PRKN: variants seen among roughly 807,000 people sequenced by gnomAD.
PRKN encodes parkin RBR E3 ubiquitin protein ligase.
PRKN carries 56 observed loss-of-function variants against 59.5 expected under a neutral mutation model. The ratio of observed to expected loss-of-function variants is 0.94; its 90% CI spans 0.76 to 1.18. The LOEUF (loss-of-function observed/expected upper bound fraction) is 1.18. Among genes scored for constraint, PRKN ranks in the 50% most tolerant of loss-of-function variants. The probability of loss-of-function intolerance (pLI) is 0.00; values close to 1 mark genes in which losing one functional copy is unlikely to be tolerated. For missense variants in PRKN, 657 were observed against 596.4 expected (o/e 1.10, Z -1.06); for synonymous variants, 250 against 222.1 (o/e 1.13, Z -1.12).
In PRKN at chr6:162,439,367, C is replaced by T. The variant is rs540246788; in HGVS notation, c.171+3943G>A. ...CTCTCTCTCTCTCTCTCTCTCTCTG[C>T]CCCTCCCTTCCTCTCTGCTTCTTTT... On this transcript the variant is annotated intron_variant, in intron 2 of 11. Coordinates refer to ENST00000366898, the MANE Select transcript of PRKN (RefSeq NM_004562.3). 2.8e-4 allele frequency among the ~76,000 whole-genome samples: 38 copies of T among 135,578 alleles called. 1 individual carries two copies. Among genetic ancestry groups the T allele is most frequent in the Non-Finnish European group, 4.6e-5 (3 of 64,532 alleles). 88.9% of individuals were successfully genotyped at this position (135,578 alleles called of 152,430 possible). A position where few individuals can be genotyped will look rare whatever the true frequency, so the allele number is the denominator to read the frequency against.
At chr6:162,244,184 C>T (rs1583257456) in intron 3 of PRKN, among the ~76,000 whole-genome samples, 1 of 152,106 alleles carries the variant, frequency 6.6e-6, no homozygotes, top group Non-Finnish European at 1.5e-5. Context: ...CATTCTACAA[C>T]ATCAGTGTAC....
rs1366100944 is a variant in PRKN at position 161,359,265 on chromosome 6, T to G, written c.1285+823A>C. On this transcript the variant is annotated intron_variant, in intron 11 of 11. Transcript: ENST00000366898. The surrounding 1 kb of genome is among the most constrained non-coding windows in gnomAD (Gnocchi z 5.4). ...TAAGCCAGCACCTGCGGCTCTGGGA[T>G]GTGTTCAAGCACCGTCTTGTTTGTA... is the stretch of plus-strand genomic sequence containing the variant. Among the ~76,000 whole-genome samples, 1 of 152,180 alleles carries G rather than the reference T, an allele frequency of 6.6e-6. No homozygotes were observed. The highest frequency in any genetic ancestry group is 2.1e-4 in the South Asian group (1 of 4,834).
At chr6:162,174,314 G>A (rs533847717) in intron 4 of PRKN, among the ~76,000 whole-genome samples, 12 of 152,206 alleles carry the variant, frequency 7.9e-5, no homozygotes, top group African/African-American at 2.6e-4. Context: ...TCAGCACGCA[G>A]GAAATAAATA....
intron 1 of PRKN, among the ~76,000 whole-genome samples, chr6:162,661,320 G>A (rs1181436818): frequency 2.0e-5 from 3 of 152,128 alleles, no homozygotes; most frequent in Non-Finnish European, 2.9e-5. Context: ...AGTATCTCAA[G>A]TTGAGTTAGG....
intron 6 of PRKN, among the ~76,000 whole-genome samples, chr6:161,919,412 A>C (rs1778696269): frequency 6.6e-6 from 1 of 152,192 alleles, no homozygotes; most frequent in Admixed American, 6.5e-5. Flanking sequence ...ATTTTTCTGA[A>C]ACTGGATTGT....
intron 9 of PRKN, among the ~76,000 whole-genome samples, chr6:161,540,075 G>A (rs182296841): frequency 6.6e-6 from 1 of 152,130 alleles, no homozygotes; most frequent in African/African-American, 2.4e-5. Context: ...CCTGTCTGGT[G>A]GGGGGCCGCC....
chr6:162,318,602 CT>C (rs530688741), intron 2 of PRKN, among the ~76,000 whole-genome samples: 211 of 152,136 alleles, frequency 1.4e-3, no homozygotes, highest in African/African-American at 4.9e-3. Context: ...CCCTGTTGAA[CT>C]TTTTACTTCC....
intron 6 of PRKN, among the ~76,000 whole-genome samples, chr6:161,944,877 T>C (rs1779722569): frequency 1.3e-5 from 2 of 152,202 alleles, no homozygotes; most frequent in Admixed American, 6.5e-5. Context: ...TACTTAATGC[T>C]ATACAAGAAC....
chr6:162,500,255 T>C (rs1793303573), intron 1 of PRKN, among the ~76,000 whole-genome samples: 1 of 148,712 alleles, frequency 6.7e-6, no homozygotes, highest in Non-Finnish European at 1.5e-5. Flanking sequence ...CACTGCAACC[T>C]CCACCTCCTG....
chr6:161,634,500 C>G (rs1409156755), intron 7 of PRKN, among the ~76,000 whole-genome samples: 2 of 152,226 alleles, frequency 1.3e-5, no homozygotes, highest in Admixed American at 1.3e-4. Flanking sequence ...GGTCACACAG[C>G]TAGTAAGCAC....
chr6:162,323,834 A>G (rs1312574418), intron 2 of PRKN, among the ~76,000 whole-genome samples: 1 of 152,160 alleles, frequency 6.6e-6, no homozygotes, highest in African/African-American at 2.4e-5. Flanking sequence ...TTTGGAAAAG[A>G]TTTTGGTGAT....
At chr6:162,510,214 G>C (rs1777534923) in intron 1 of PRKN, among the ~76,000 whole-genome samples, 1 of 152,204 alleles carries the variant, frequency 6.6e-6, no homozygotes, top group Non-Finnish European at 1.5e-5. Flanking sequence ...TCCAAAACCA[G>C]AGTGGTCCAA....
intron 8 of PRKN, among the ~76,000 whole-genome samples, chr6:161,558,285 G>GTA (rs746272780): frequency 6.6e-6 from 1 of 152,216 alleles, no homozygotes; most frequent in Non-Finnish European, 1.5e-5. Flanking sequence ...AATTCAGTCA[G>GTA]GTATAGTGAC....
At chr6:162,720,438 C>CTT (rs148313968) in intron 1 of PRKN, among the ~76,000 whole-genome samples, 310 of 90,062 alleles carry the variant, frequency 3.4e-3, no homozygotes, top group Non-Finnish European at 4.2e-3. Flanking sequence ...CATAGATGGT[C>CTT]TTTTTTTTTT....
At chr6:162,148,650 C>A (rs1056758974) in intron 4 of PRKN, among the ~76,000 whole-genome samples, 4 of 151,798 alleles carry the variant, frequency 2.6e-5, no homozygotes, top group Non-Finnish European at 4.4e-5. Context: ...GGAAAAAAGC[C>A]TAAAATAAAG....
rs1226716859 is a variant in PRKN, at chr6:161,552,776, G to T, written c.934-3773C>A. Among the ~76,000 whole-genome samples, 1 of 132,516 alleles carries T rather than the reference G, an allele frequency of 7.5e-6. No individual in the cohort carries two copies. The highest frequency in any genetic ancestry group is 2.7e-5 in the African/African-American group (1 of 37,538). The allele number at this position is 132,516 out of a possible 152,430, so 86.9% of individuals were successfully genotyped here. On this transcript the variant is annotated intron_variant, in intron 8 of 11. Coordinates refer to ENST00000366898, the MANE Select transcript of PRKN (RefSeq NM_004562.3). The surrounding 1 kb of genome is among the most constrained non-coding windows in gnomAD (Gnocchi z 4.9). ...TCACCCCTTCCTAAAAGACACCATG[G>T]TTTTGTTGTTGTTTTTGTTTTTTGT...
intron 7 of PRKN, among the ~76,000 whole-genome samples, chr6:161,700,912 T>C (rs1472256731): frequency 6.6e-6 from 1 of 152,224 alleles, no homozygotes; most frequent in African/African-American, 2.4e-5. Context: ...TCAAATTATG[T>C]AGGCTGGTTA....
At chr6:161,633,689 A>T (rs1212173930) in intron 7 of PRKN, among the ~76,000 whole-genome samples, 2 of 152,232 alleles carry the variant, frequency 1.3e-5, no homozygotes, top group Non-Finnish European at 2.9e-5. Flanking sequence ...CTAAGGAAAG[A>T]AAAGTGCTTT....
intron 2 of PRKN, among the ~76,000 whole-genome samples, chr6:162,283,784 G>C (rs1418619763): frequency 6.6e-6 from 1 of 152,146 alleles, no homozygotes; most frequent in Non-Finnish European, 1.5e-5. Flanking sequence ...GCTTCCCAAA[G>C]TGCTGGGATT....
Sources: gnomAD v4.1 joint callset for allele counts (sites outside exome capture counted in the v4.1 genomes callset) on GRCh38, gnomAD v4.1.1 for gene constraint, Gnocchi (gnomAD v3.1) non-coding constraint, MANE v1.5 for transcripts, NCBI Gene and HGNC (gene_info 2026-07-23, HGNC 2026-07-21) for gene names.